SSBP3: variants seen among roughly 807,000 people sequenced by gnomAD.
SSBP3 encodes single stranded DNA binding protein 3.
A neutral mutation model predicts 69.6 loss-of-function variants in SSBP3; 5 were observed. The ratio of observed to expected loss-of-function variants is 0.07; its 90% CI spans 0.04 to 0.15. SSBP3 has a LOEUF of 0.15. Among genes scored for constraint, SSBP3 ranks in the 10% least tolerant of loss-of-function variants. SSBP3 has a pLI of 1.00. For synonymous variants in SSBP3, 196 were observed against 193.4 expected (o/e 1.01, Z -0.11); for missense variants, 312 against 534.0 (o/e 0.58, Z 4.10).
At position 54,394,224 on chromosome 1, in the gene SSBP3, T is replaced by C. The variant is rs190050933; in HGVS notation, c.276+7637A>G. On this transcript the variant is annotated intron_variant, in intron 4 of 17. Transcript: ENST00000610401. ...GCAGGTTTGAGTTCTACTGGAAACT[T>C]CACGCAGGGCACCTTTCCCTCTGCG... is the stretch of plus-strand genomic sequence containing the variant. Among the ~76,000 whole-genome samples, 397 of 152,362 alleles carry C rather than the reference T, an allele frequency of 2.6e-3. 1 individual carries two copies. Among genetic ancestry groups the C allele is most frequent in the Non-Finnish European group, 3.5e-3 (236 of 68,044 alleles).
intron 4 of SSBP3, among the ~76,000 whole-genome samples, chr1:54,357,250 G>A (rs1225599428): frequency 1.3e-5 from 2 of 152,132 alleles, no homozygotes; most frequent in South Asian, 2.1e-4. Context: ...TGCAGCAATC[G>A]TGACTGCCTA....
intron 7 of SSBP3, among the ~76,000 whole-genome samples, chr1:54,254,399 AAC>A (rs1297476727): frequency 3.9e-5 from 6 of 152,144 alleles, no homozygotes; most frequent in African/African-American, 1.4e-4. Context: ...CTCTCTCCTA[AAC>A]CCGGCTGAAC....
At chr1:54,251,325 G>A (rs1302935189) in intron 9 of SSBP3, among the ~76,000 whole-genome samples, 1 of 152,186 alleles carries the variant, frequency 6.6e-6, no homozygotes, top group Non-Finnish European at 1.5e-5. Flanking sequence ...CCCATGATAG[G>A]CTACCGCACC....
At chr1:54,369,849 G>A (rs929362952) in intron 4 of SSBP3, among the ~76,000 whole-genome samples, 6 of 149,414 alleles carry the variant, frequency 4.0e-5, no homozygotes, top group South Asian at 2.1e-4. Flanking sequence ...TACCCTCGAC[G>A]GTATCCTGGG....
chr1:54,307,007 G>A (rs1645912357), intron 4 of SSBP3, among the ~76,000 whole-genome samples: 1 of 152,080 alleles, frequency 6.6e-6, no homozygotes, highest in Non-Finnish European at 1.5e-5. Flanking sequence ...GAAGACTCAA[G>A]CAGCATTCCA....
chr1:54,278,995 C>T (rs1645341650), intron 5 of SSBP3, among the ~76,000 whole-genome samples: 1 of 152,242 alleles, frequency 6.6e-6, no homozygotes, highest in Admixed American at 6.5e-5. Context: ...TTCCCCTTGG[C>T]AGTGTCCCAG....
At chr1:54,242,634 C>G (rs1036187902) in intron 10 of SSBP3, among the ~76,000 whole-genome samples, 1 of 152,100 alleles carries the variant, frequency 6.6e-6, no homozygotes, top group African/African-American at 2.4e-5. Context: ...TTGGTGACCT[C>G]ATCTGTAAGG....
At chr1:54,241,104 A>T (rs761771251) in intron 12 of SSBP3, 145 bp from the exon 13 acceptor site, 253 of 881,888 alleles carry the variant, frequency 2.9e-4, no homozygotes, top group Non-Finnish European at 4.0e-4. Context: ...GCGCTCACTC[A>T]AAGTACTCAA....
At chr1:54,384,479 A>T (rs1436970788) in intron 4 of SSBP3, among the ~76,000 whole-genome samples, 3 of 152,264 alleles carry the variant, frequency 2.0e-5, no homozygotes, top group Non-Finnish European at 4.4e-5. Flanking sequence ...ACCAAGCGTC[A>T]GGGCCTCAGT....
intron 4 of SSBP3, among the ~76,000 whole-genome samples, chr1:54,316,396 TTGGGAGGCCGAGGCGGGTGGATCA>T (rs1347951450): frequency 6.7e-6 from 1 of 148,196 alleles, no homozygotes; most frequent in Non-Finnish European, 1.5e-5. Flanking sequence ...TCCCAGCACT[TTGGGAGGCCGAGGCGGGTGGATCA>T]TGAGGTCAGG....
intron 4 of SSBP3, among the ~76,000 whole-genome samples, chr1:54,330,452 AC>A (rs1165875751): frequency 1.3e-5 from 2 of 152,166 alleles, no homozygotes; most frequent in East Asian, 3.9e-4. Flanking sequence ...TTATGGCTAT[AC>A]CAAGTTCTTT....
intron 5 of SSBP3, among the ~76,000 whole-genome samples, chr1:54,272,438 C>G (rs1645209719): frequency 6.6e-6 from 1 of 151,370 alleles, no homozygotes; most frequent in Non-Finnish European, 1.5e-5. Flanking sequence ...CTGGAATTCT[C>G]TTCCTCAAAC....
intron 4 of SSBP3, among the ~76,000 whole-genome samples, chr1:54,295,334 A>G (rs1240658590): frequency 2.6e-5 from 4 of 151,804 alleles, no homozygotes; most frequent in African/African-American, 9.7e-5. Flanking sequence ...TACCTAGAGA[A>G]CTCCCAGTTA....
rs1300601984 is a variant in SSBP3, at chr1:54,315,602, A to T, written c.277-34075T>A. Among the ~76,000 whole-genome samples the T allele has an allele frequency of 1.2e-3, 160 of 137,334 alleles. 3 individuals carry two copies. In the South Asian group the frequency reaches 0.027, roughly 23 times the overall value. 90.1% of individuals were successfully genotyped at this position (137,334 alleles called of 152,430 possible). A position where few individuals can be genotyped will look rare whatever the true frequency, so the allele number is the denominator to read the frequency against. ...ATTAAGACAACTTTTTTTTAATTTA[A>T]AAAAAAAAAAAAAAGGTCTTGCTCT... is the stretch of plus-strand genomic sequence containing the variant. On this transcript the variant is annotated intron_variant, in intron 4 of 17. Transcript: ENST00000610401.
chr1:54,369,217 T>TCGG (rs1345948979), intron 4 of SSBP3, among the ~76,000 whole-genome samples: 1 of 92,586 alleles, frequency 1.1e-5, no homozygotes, highest in African/African-American at 6.7e-5. Flanking sequence ...TCCTCTTGAG[T>TCGG]CGGGGGGGGG....
At chr1:54,290,053 G>T (rs1412638074) in intron 4 of SSBP3, among the ~76,000 whole-genome samples, 1 of 152,200 alleles carries the variant, frequency 6.6e-6, no homozygotes, top group Non-Finnish European at 1.5e-5. Flanking sequence ...TCACATGGCT[G>T]GAAATGGGCA....
chr1:54,320,172 G>C (rs981272570), intron 4 of SSBP3, among the ~76,000 whole-genome samples: 3 of 152,174 alleles, frequency 2.0e-5, no homozygotes, highest in Non-Finnish European at 4.4e-5. Flanking sequence ...GGGTGGAAAA[G>C]CACTGAACAA....
intron 5 of SSBP3, among the ~76,000 whole-genome samples, chr1:54,274,721 G>A (rs184310035): frequency 8.9e-4 from 136 of 152,304 alleles, no homozygotes; most frequent in Admixed American, 2.1e-3. Flanking sequence ...CCGGCCAAGG[G>A]CCCAGCCCCT....
upstream of SSBP3, among the ~76,000 whole-genome samples, chr1:54,408,428 G>A (rs949053277): frequency 2.0e-5 from 3 of 152,196 alleles, no homozygotes; most frequent in Admixed American, 6.5e-5. Flanking sequence ...GCTAGGAATG[G>A]CCAGGGATGG....
Sources: gnomAD v4.1 joint callset for allele counts (sites outside exome capture counted in the v4.1 genomes callset) on GRCh38, gnomAD v4.1.1 for gene constraint, MANE v1.5 for transcripts, NCBI Gene and HGNC (gene_info 2026-07-23, HGNC 2026-07-21) for gene names.